Variants in CACNA1A observed in about 807,000 individuals in gnomAD.
CACNA1A encodes the protein calcium voltage-gated channel subunit alpha1 A.
In CACNA1A, 57 loss-of-function variants were observed where a neutral mutation model predicts 262.4. The ratio of observed to expected loss-of-function variants is 0.22; its 90% CI spans 0.18 to 0.27. The LOEUF (loss-of-function observed/expected upper bound fraction) is 0.27. CACNA1A is among the 10% of genes least tolerant of loss of function. The probability of loss-of-function intolerance (pLI) is 1.00; values close to 1 mark genes in which losing one functional copy is unlikely to be tolerated. For missense variants in CACNA1A, 2,526 were observed against 3,562.8 expected (o/e 0.71, Z 7.41); for synonymous variants, 1,431 against 1,419.3 (o/e 1.01, Z -0.18).
intron 3 of CACNA1A, among the ~76,000 whole-genome samples, chr19:13,380,749 GTTTATTTATTTATTTA>G (rs758031682): frequency 1.3e-3 from 103 of 81,000 alleles, no homozygotes; most frequent in African/African-American, 1.9e-3. Context: ...TTGTTTGTTT[GTTTATTTATTTATTTA>G]TTTATTTATT....
In CACNA1A at chr19:13,286,511, A is replaced by T; in HGVS notation, c.3545T>A (p.Val1182Asp). 4.7e-6 allele frequency: 4 copies of T among 851,916 alleles called. No individual in the cohort carries two copies. The highest frequency in any genetic ancestry group is 6.7e-6 in the Non-Finnish European group (4 of 594,854). 52.8% of individuals were successfully genotyped at this position (851,916 alleles called of 1,614,324 possible). A position where few individuals can be genotyped will look rare whatever the true frequency, so the allele number is the denominator to read the frequency against. ...PACPPPLNHT[V>D]VQVNKNANPD... ...AGAGCAGAGGGTCTCACCTTGTACG[A>T]CGGTGTGGTTGAGGGGGGGTGGGCA... The change falls in exon 20 of 47, where the codon GTC becomes GAC. Residue 1182 changes from valine (V) to aspartate (D), a missense_variant. Around this residue, in one of 17 missense-constraint regions of CACNA1A, gnomAD observed 765 missense variants for 748.6 expected, o/e 1.02. Coordinates refer to ENST00000360228, the MANE Select transcript of CACNA1A (RefSeq NM_001127222.2).
intron 11 of CACNA1A, among the ~76,000 whole-genome samples, chr19:13,314,993 A>G (rs547547052): frequency 6.6e-6 from 1 of 152,248 alleles, no homozygotes; most frequent in East Asian, 1.9e-4. Context: ...GTTACCATGG[A>G]AACATGATAG....
chr19:13,217,352 C>A (rs982924623), intron 38 of CACNA1A, among the ~76,000 whole-genome samples: 4 of 152,218 alleles, frequency 2.6e-5, no homozygotes, highest in Admixed American at 6.5e-5. Flanking sequence ...TTAATCTGTA[C>A]CCCCTTTGCA....
intron 35 of CACNA1A, among the ~76,000 whole-genome samples, chr19:13,231,453 G>C (rs913332592): frequency 1.4e-4 from 22 of 152,102 alleles, no homozygotes; most frequent in African/African-American, 5.3e-4. Context: ...TGTGCTGCCA[G>C]CATCTGGTGG....
At chr19:13,259,917 C>T (rs1404077322) in intron 26 of CACNA1A, 2 of 539,248 alleles carry the variant, frequency 3.7e-6, no homozygotes, top group Non-Finnish European at 6.7e-6. Context: ...GGTGATGGCA[C>T]AACCTTACTC....
rs539350104 is a variant in CACNA1A at position 13,290,180 on chromosome 19, T to C, written c.3090-3214A>G. Among the ~76,000 whole-genome samples the C allele has an allele frequency of 2.7e-4, 41 of 151,800 alleles. 1 individual carries two copies. The South Asian group carries it at 6.6e-3, about 25-fold the overall frequency. On this transcript the variant is annotated intron_variant, in intron 19 of 46. Coordinates refer to ENST00000360228, the MANE Select transcript of CACNA1A (RefSeq NM_001127222.2). ...AAAACTCCTGGCTTCAAGAGATCCA[T>C]TGGCCTTGGCCTCCCAAAGTGTTAG...
chr19:13,452,917 C>T lies in CACNA1A; in HGVS notation c.498G>A (p.Arg166=). 6.2e-7 allele frequency: 1 copy of T among 1,613,982 alleles called. No individual in the cohort carries two copies. Among genetic ancestry groups the T allele is most frequent in the Non-Finnish European group, 8.5e-7 (1 of 1,179,852 alleles). ...CAAAGTCCATGACATTCCAGCCATTCCTCAAGTAGGAGCCTTTGTGGAAGG... is the reference window on the plus strand; with the variant it reads ...CAAAGTCCATGACATTCCAGCCATTTCTCAAGTAGGAGCCTTTGTGGAAGG... The part of the protein sequence containing the change: ...GFAFHKGSYL[R]NGWNVMDFVV... The change falls in exon 3 of 47, where the codon AGG becomes AGA. Residue 166 remains arginine (R), a synonymous_variant. Transcript: ENST00000360228.
intron 6 of CACNA1A, among the ~76,000 whole-genome samples, chr19:13,342,127 T>C (rs1253452362): frequency 1.3e-5 from 2 of 151,894 alleles, no homozygotes; most frequent in South Asian, 4.2e-4. Flanking sequence ...TTCAATTCCA[T>C]ACTCTGGAAT....
intron 22 of CACNA1A, among the ~76,000 whole-genome samples, chr19:13,281,123 G>A (rs1015381066): frequency 4.6e-5 from 7 of 151,990 alleles, no homozygotes; most frequent in Admixed American, 1.3e-4. Flanking sequence ...TTACATGCCT[G>A]TAATTCCAGA....
intron 19 of CACNA1A, among the ~76,000 whole-genome samples, chr19:13,291,264 G>A (rs1409976487): frequency 6.6e-6 from 1 of 152,100 alleles, no homozygotes; most frequent in Admixed American, 6.6e-5. Flanking sequence ...CAGACCCTGA[G>A]ATCGGATTAT....
intron 1 of CACNA1A, among the ~76,000 whole-genome samples, chr19:13,461,620 G>T (rs1050231574): frequency 2.0e-5 from 3 of 152,200 alleles, no homozygotes; most frequent in African/African-American, 7.2e-5. Flanking sequence ...TCGAGCTGGG[G>T]GGCAGGCGAG....
intron 3 of CACNA1A, among the ~76,000 whole-genome samples, chr19:13,388,626 C>T (rs1599347050): frequency 6.6e-6 from 1 of 152,098 alleles, no homozygotes; most frequent in Non-Finnish European, 1.5e-5. Flanking sequence ...CCTCAGGTTA[C>T]GGGATATCTT....
At chr19:13,270,189 C>A (rs2056982414) in intron 24 of CACNA1A, among the ~76,000 whole-genome samples, 1 of 152,130 alleles carries the variant, frequency 6.6e-6, no homozygotes, top group African/African-American at 2.4e-5. Context: ...CTCTGGGCCG[C>A]AGTTTCCTCA....
intron 3 of CACNA1A, among the ~76,000 whole-genome samples, chr19:13,376,694 ATG>A (rs1487462939): frequency 3.5e-4 from 51 of 147,638 alleles, no homozygotes; most frequent in Non-Finnish European, 7.0e-4. Context: ...CACATAATAT[ATG>A]TTACATATGA....
chr19:13,435,533 G>A (rs2060595584), intron 3 of CACNA1A, among the ~76,000 whole-genome samples: 1 of 152,098 alleles, frequency 6.6e-6, no homozygotes, highest in African/African-American at 2.4e-5. Flanking sequence ...GAGGTGAGCA[G>A]GAAGGGTGCT....
chr19:13,446,043 G>A (rs1478074528), intron 3 of CACNA1A, among the ~76,000 whole-genome samples: 1 of 152,102 alleles, frequency 6.6e-6, no homozygotes, highest in East Asian at 1.9e-4. Context: ...GGGAGGCCGA[G>A]GTGGGCAGAT....
chr19:13,394,606 A>G (rs2059777672), intron 3 of CACNA1A, among the ~76,000 whole-genome samples: 1 of 152,108 alleles, frequency 6.6e-6, no homozygotes, highest in South Asian at 2.1e-4. Context: ...TTTAACGACC[A>G]TTTCCCCACA....
intron 3 of CACNA1A, among the ~76,000 whole-genome samples, chr19:13,435,234 C>T (rs945757606): frequency 8.6e-5 from 13 of 151,982 alleles, no homozygotes; most frequent in African/African-American, 2.9e-4. Flanking sequence ...CTGCCTCAGC[C>T]TCCTGGGTAG....
chr19:13,393,571 TC>T (rs1212588431), intron 3 of CACNA1A, among the ~76,000 whole-genome samples: 2 of 102,108 alleles, frequency 2.0e-5, no homozygotes, highest in African/African-American at 7.5e-5. Context: ...CTCCCCCCCT[TC>T]TTCTTCTTCT....
Sources: gnomAD v4.1 joint callset for allele counts (sites outside exome capture counted in the v4.1 genomes callset) on GRCh38, gnomAD v4.1.1 for gene constraint, gnomAD v4.1.1 regional missense constraint, MANE v1.5 for transcripts, NCBI Gene and HGNC (gene_info 2026-07-23, HGNC 2026-07-21) for gene names.